Variants in OSTN observed in about 807,000 individuals in gnomAD.
The protein encoded by OSTN is osteocrin.
Under a neutral mutation model 12.0 loss-of-function variants are expected in OSTN, and 9 were observed. The ratio of observed to expected loss-of-function variants is 0.75; its 90% CI spans 0.45 to 1.30. OSTN has a LOEUF of 1.30. Among genes scored for constraint, OSTN ranks in the 50% most tolerant of loss-of-function variants. The probability of loss-of-function intolerance (pLI) is 0.00; values close to 1 mark genes in which losing one functional copy is unlikely to be tolerated. For synonymous variants in OSTN, 59 were observed against 56.9 expected (o/e 1.04, Z -0.16); for missense variants, 148 against 152.3 (o/e 0.97, Z 0.15).
rs1049706834 is a variant in OSTN at position 191,246,979 on chromosome 3, C to G, written c.318-3058C>G. 5.3e-5 allele frequency among the ~76,000 whole-genome samples: 8 copies of G among 152,334 alleles called. No homozygotes were observed. The South Asian group carries it at 6.2e-4, about 12-fold the overall frequency. On this transcript the variant is annotated intron_variant, in intron 3 of 4. Coordinates refer to ENST00000682035, the MANE Select transcript of OSTN (RefSeq NM_198184.2). ...ATCTTTTCATCTCTAGGTCCTTAACCTTAATCCTGTCTGCAAAATGCATTT... is the reference window on the plus strand; with the variant it reads ...ATCTTTTCATCTCTAGGTCCTTAACGTTAATCCTGTCTGCAAAATGCATTT...
chr3:191,212,867 CT>C (rs397991965), intron 2 of OSTN, among the ~76,000 whole-genome samples: 585 of 93,064 alleles, frequency 6.3e-3, no homozygotes, highest in Middle Eastern at 0.021. Context: ...TCTTTTCTTT[CT>C]TTTTTTTTTT....
Sources: allele counts gnomAD v4.1 joint callset (sites outside exome capture counted in the v4.1 genomes callset), GRCh38; gene constraint gnomAD v4.1.1; transcripts MANE v1.5; gene names NCBI Gene and HGNC (gene_info 2026-07-23, HGNC 2026-07-21).